SDK1: variants seen among roughly 807,000 people sequenced by gnomAD.
SDK1 encodes the protein sidekick cell adhesion molecule 1, also known as protein sidekick-1.
In SDK1, 157 loss-of-function variants were observed where a neutral mutation model predicts 245.5. The ratio of observed to expected loss-of-function variants is 0.64; its 90% CI spans 0.56 to 0.73. The LOEUF is 0.73. SDK1 is among the 30% of genes least tolerant of loss of function. The pLI is 0.00. For synonymous variants in SDK1, 1,647 were observed against 1,278.5 expected (o/e 1.29, Z -6.15); for missense variants, 3,583 against 3,002.3 (o/e 1.19, Z -4.52).
intron 5 of SDK1, among the ~76,000 whole-genome samples, chr7:3,841,083 C>T (rs1171268418): frequency 4.6e-5 from 7 of 152,178 alleles, no homozygotes; most frequent in Admixed American, 3.9e-4. Flanking sequence ...CAGGGATGCC[C>T]GTTTTGCAGT....
chr7:3,922,022 G>GC (rs1303667541), intron 5 of SDK1, among the ~76,000 whole-genome samples: 1 of 152,164 alleles, frequency 6.6e-6, no homozygotes, highest in Non-Finnish European at 1.5e-5. Context: ...TTACTCAGGA[G>GC]CCGCAGGGCC....
At chr7:4,106,131 C>T (rs1288675426) in intron 22 of SDK1, among the ~76,000 whole-genome samples, 2 of 152,058 alleles carry the variant, frequency 1.3e-5, no homozygotes, top group African/African-American at 4.8e-5. Flanking sequence ...CTCAGCAAAA[C>T]AACAGCCCTG....
At chr7:3,766,054 A>G (rs1780243117) in intron 4 of SDK1, among the ~76,000 whole-genome samples, 1 of 152,204 alleles carries the variant, frequency 6.6e-6, no homozygotes, top group East Asian at 1.9e-4. Flanking sequence ...CATTTATTTT[A>G]CAAATGGCGT....
chr7:3,626,057 C>T (rs1331796860), intron 2 of SDK1, among the ~76,000 whole-genome samples: 1 of 150,612 alleles, frequency 6.6e-6, no homozygotes, highest in South Asian at 2.1e-4. Flanking sequence ...GATCCTTCTG[C>T]ACCAGCCTCC....
chr7:4,075,439 A>G (rs1780606659), intron 20 of SDK1, among the ~76,000 whole-genome samples: 1 of 152,028 alleles, frequency 6.6e-6, no homozygotes, highest in Admixed American at 6.6e-5. Flanking sequence ...ATGAGGAGGA[A>G]GTTTCAGGTG....
chr7:3,760,933 T>A (rs754184960), intron 4 of SDK1, among the ~76,000 whole-genome samples: 10 of 152,240 alleles, frequency 6.6e-5, no homozygotes, highest in Non-Finnish European at 1.0e-4. Flanking sequence ...TATCACAATT[T>A]GTTGAACTCT....
chr7:4,107,500 T>TA (rs1475129533), intron 22 of SDK1, among the ~76,000 whole-genome samples: 1 of 151,336 alleles, frequency 6.6e-6, no homozygotes. Flanking sequence ...CTTTTTTTTT[T>TA]AAACAAACAA....
intron 14 of SDK1, among the ~76,000 whole-genome samples, chr7:4,005,472 G>C (rs1005109981): frequency 6.7e-6 from 1 of 149,458 alleles, no homozygotes; most frequent in Non-Finnish European, 1.5e-5. Flanking sequence ...ACTTCCTGCT[G>C]CATCACCCAA....
intron 1 of SDK1, among the ~76,000 whole-genome samples, chr7:3,505,132 T>A (rs138846970): frequency 6.6e-6 from 1 of 152,222 alleles, no homozygotes; most frequent in Non-Finnish European, 1.5e-5. Context: ...AGTAGGAATG[T>A]TACTTTTTTC....
intron 43 of SDK1, among the ~76,000 whole-genome samples, chr7:4,243,903 T>C (rs1786677334): frequency 6.6e-6 from 1 of 152,252 alleles, no homozygotes; most frequent in Non-Finnish European, 1.5e-5. Flanking sequence ...AGTTGATTTA[T>C]GTCTCCCCCG....
chr7:3,854,220 G>C (rs1231827319), intron 5 of SDK1, among the ~76,000 whole-genome samples: 2 of 152,122 alleles, frequency 1.3e-5, no homozygotes, highest in Non-Finnish European at 2.9e-5. Flanking sequence ...TAGAGGTTTT[G>C]AAATCATCTG....
intron 1 of SDK1, among the ~76,000 whole-genome samples, chr7:3,566,695 G>T: frequency 6.8e-6 from 1 of 146,966 alleles, no homozygotes; most frequent in African/African-American, 2.5e-5. Context: ...GGAAATCTTT[G>T]TCTAGAACTG....
At chr7:4,019,906 C>T (rs1265791097) in intron 17 of SDK1, among the ~76,000 whole-genome samples, 1 of 152,142 alleles carries the variant, frequency 6.6e-6, no homozygotes, top group East Asian at 1.9e-4. Flanking sequence ...CACAGGTGGC[C>T]CCGTCCTCCC....
intron 1 of SDK1, among the ~76,000 whole-genome samples, chr7:3,471,211 G>C (rs1781172262): frequency 6.6e-6 from 1 of 152,166 alleles, no homozygotes; most frequent in South Asian, 2.1e-4. Context: ...AAGACTGAGT[G>C]AGGTCCAAGT....
chr7:3,815,995 A>G (rs1400662616), intron 4 of SDK1, among the ~76,000 whole-genome samples: 1 of 143,444 alleles, frequency 7.0e-6, no homozygotes, highest in Non-Finnish European at 1.5e-5. Flanking sequence ...CTGAATGACT[A>G]CTGGGTACAT....
chr7:4,237,646 G>A lies in SDK1; in HGVS notation c.5993-1G>A. On this transcript the variant is annotated splice_acceptor_variant, in intron 41 of 44. Transcript: ENST00000404826. LOFTEE classifies it high-confidence loss of function. ...ATTGTGTGTCCGTGTCTTTTCCACA[G>A]CTCAAGTGGAAGCCCCATTCTACGA... The A allele has an allele frequency of 6.2e-7, 1 of 1,614,134 alleles. No homozygotes were observed. Among genetic ancestry groups the A allele is most frequent in the Non-Finnish European group, 8.5e-7 (1 of 1,180,014 alleles).
chr7:4,237,573 C>T (rs1303657108), intron 41 of SDK1, 74 bp from the exon 42 acceptor site: 2 of 1,572,068 alleles, frequency 1.3e-6, no homozygotes, highest in Non-Finnish European at 8.7e-7. Flanking sequence ...CCCTGCCAAC[C>T]ACCTGACTCG....
intron 17 of SDK1, among the ~76,000 whole-genome samples, chr7:4,046,802 A>G: frequency 6.6e-6 from 1 of 150,794 alleles, no homozygotes; most frequent in Non-Finnish European, 1.5e-5. Context: ...TTCAATGTCT[A>G]GGAGATATCT....
intron 1 of SDK1, among the ~76,000 whole-genome samples, chr7:3,305,720 G>C (rs998529556): frequency 1.3e-5 from 2 of 152,122 alleles, no homozygotes; most frequent in Admixed American, 1.3e-4. Flanking sequence ...TTAGGCCACT[G>C]GGTATTTAAC....
Sources: gnomAD v4.1 joint callset for allele counts (sites outside exome capture counted in the v4.1 genomes callset) on GRCh38, gnomAD v4.1.1 for gene constraint, MANE v1.5 for transcripts, NCBI Gene and HGNC (gene_info 2026-07-23, HGNC 2026-07-21) for gene names.